The following NRXN2 variants were observed in gnomAD, a reference collection of about 807,000 sequenced individuals.
The protein encoded by NRXN2 is neurexin-2-beta.
A neutral mutation model predicts 128.8 loss-of-function variants in NRXN2; 29 were observed. That is an observed-to-expected ratio of 0.23 (90% CI 0.17 to 0.31). The LOEUF (loss-of-function observed/expected upper bound fraction) is 0.31. NRXN2 is among the 10% of genes least tolerant of loss of function. The probability of loss-of-function intolerance (pLI) is 1.00; values close to 1 mark genes in which losing one functional copy is unlikely to be tolerated. For missense variants in NRXN2, 1,881 were observed against 2,452.6 expected, an observed-to-expected ratio of 0.77 and a Z score of 4.92; for synonymous variants, 1,098 against 1,075.2, an observed-to-expected ratio of 1.02 and a Z score of -0.41.
chr11:64,683,868 A>T (rs1238972484), intron 6 of NRXN2, among the ~76,000 whole-genome samples: 1 of 151,922 alleles, frequency 6.6e-6, no homozygotes, highest in Non-Finnish European at 1.5e-5. Context: ...CACTGTCTAC[A>T]CTCAGCACTG....
intron 3 of NRXN2, among the ~76,000 whole-genome samples, chr11:64,697,551 G>C (rs1319549992): frequency 6.6e-6 from 1 of 152,100 alleles, no homozygotes; most frequent in Non-Finnish European, 1.5e-5. Flanking sequence ...AGCGTGGAGA[G>C]GGAAAGGAAG....
chr11:64,663,934 C>T (rs2049407076), intron 9 of NRXN2, among the ~76,000 whole-genome samples: 1 of 152,072 alleles, frequency 6.6e-6, no homozygotes, highest in Non-Finnish European at 1.5e-5. Flanking sequence ...TGAAATAAAG[C>T]CAGATACAAA....
In NRXN2 at chr11:64,697,927, C is replaced by A. The variant is rs545628739; in HGVS notation, c.731-135G>T. The A allele has an allele frequency of 6.0e-6, 6 of 994,406 alleles. No individual in the cohort carries two copies. In the East Asian group the frequency reaches 1.3e-4, roughly 21 times the overall value. 61.6% of individuals were successfully genotyped at this position (994,406 alleles called of 1,614,324 possible). A position where few individuals can be genotyped will look rare whatever the true frequency, so the allele number is the denominator to read the frequency against. On this transcript the variant is annotated intron_variant, in intron 2 of 22. Transcript: ENST00000265459. ...CCACCCAGGCCCTGACATGAGTCAC[C>A]CAATGTGGAAGGCCCAAATCTCAAG... is the stretch of plus-strand genomic sequence containing the variant.
At chr11:64,669,321 A>C (rs2050319869) in intron 7 of NRXN2, among the ~76,000 whole-genome samples, 1 of 152,140 alleles carries the variant, frequency 6.6e-6, no homozygotes, top group Non-Finnish European at 1.5e-5. Flanking sequence ...CCTTATATTC[A>C]GGTCACTCTC....
At position 64,632,321 on chromosome 11, in the gene NRXN2, TCTC is replaced by T. The variant is rs1278861429; in HGVS notation, c.3586-1751_3586-1749del. Among the ~76,000 whole-genome samples the T allele has an allele frequency of 6.6e-6, 1 of 152,076 alleles. No individual in the cohort carries two copies. The highest frequency in any genetic ancestry group is 1.5e-5 in the Non-Finnish European group (1 of 68,000). On this transcript the variant is annotated intron_variant, in intron 18 of 22. Transcript: ENST00000265459. The surrounding 1 kb of genome is among the most constrained non-coding windows in gnomAD (Gnocchi z 4.2). ...CACAGTCATACATGCATGCAGCCTC[TCTC>T]CTCAGATGCAGTAAAGCAGGGAAAC...
Position 64,706,746 on chromosome 11 carries a change from T to TC in NRXN2, c.730+6223dup, listed in dbSNP as rs1261766808. Among the ~76,000 whole-genome samples, 7 of 152,116 alleles carry TC rather than the reference T, an allele frequency of 4.6e-5. No individual in the cohort carries two copies. In the South Asian group the frequency reaches 8.3e-4, roughly 18 times the overall value. ...ATCAGCTCCTTTGCTTCAAACGACT[T>TC]CCCCCAACCAAGTTTATTAATCAAT... On this transcript the variant is annotated intron_variant, in intron 2 of 22. Transcript: ENST00000265459.
chr11:64,636,908 C>T (rs2044809311), intron 17 of NRXN2, among the ~76,000 whole-genome samples: 1 of 152,142 alleles, frequency 6.6e-6, no homozygotes, highest in Non-Finnish European at 1.5e-5. Context: ...GAGGAGGCTC[C>T]ATCCCAGGGA....
chr11:64,674,160 T>C (rs2050995565), intron 7 of NRXN2, among the ~76,000 whole-genome samples: 1 of 152,064 alleles, frequency 6.6e-6, no homozygotes, highest in Admixed American at 6.5e-5. Flanking sequence ...TACTGGTGCA[T>C]AGCTGGTTGT....
chr11:64,686,733 G>A (rs966708317), intron 5 of NRXN2, among the ~76,000 whole-genome samples: 1 of 152,220 alleles, frequency 6.6e-6, no homozygotes, highest in African/African-American at 2.4e-5. Context: ...TGACCTGTGT[G>A]TGCCCAGAGA....
chr11:64,643,556 G>GGAGGGAGA (rs879728743), intron 17 of NRXN2: 17 of 144,482 alleles, frequency 1.2e-4, no homozygotes, highest in South Asian at 4.5e-4. Context: ...GGAGAGGGAG[G>GGAGGGAGA]GAGGGAGAGA....
At chr11:64,670,886 C>T (rs1438153682) in intron 7 of NRXN2, among the ~76,000 whole-genome samples, 2 of 152,160 alleles carry the variant, frequency 1.3e-5, no homozygotes, top group African/African-American at 2.4e-5. Flanking sequence ...TTCAGCCCAC[C>T]TGAGCCCCTC....
chr11:64,614,845 C>T (rs373338022), intron 22 of NRXN2, among the ~76,000 whole-genome samples: 3 of 152,232 alleles, frequency 2.0e-5, no homozygotes, highest in East Asian at 3.9e-4. Flanking sequence ...CAGGTCTTGA[C>T]TGGATGCGGT....
intron 2 of NRXN2, among the ~76,000 whole-genome samples, chr11:64,700,657 A>G (rs1453888656): frequency 2.0e-5 from 3 of 152,160 alleles, no homozygotes; most frequent in Non-Finnish European, 4.4e-5. Flanking sequence ...GTTTCCTGCA[A>G]TAGCTTCCTC....
intron 18 of NRXN2, among the ~76,000 whole-genome samples, chr11:64,634,343 C>T (rs1281382949): frequency 6.6e-6 from 1 of 151,872 alleles, no homozygotes; most frequent in Non-Finnish European, 1.5e-5. Context: ...GGGGAGGGGT[C>T]AGGGGAGAGG....
chr11:64,660,743 C>A lies in NRXN2; in HGVS notation c.2185+10G>T. 6.8e-6 allele frequency: 11 copies of A among 1,609,564 alleles called. No homozygotes were observed. Among genetic ancestry groups the A allele is most frequent in the Non-Finnish European group, 9.3e-6 (11 of 1,179,996 alleles). The stretch of plus-strand genomic sequence containing the variant: ...GGAGCAGGGACACCTAGGATGAAGA[C>A]CAGCCTCACCTCTCTCACAGACCCG... On this transcript the variant is annotated intron_variant, in intron 10 of 22. Coordinates refer to ENST00000265459, the MANE Select transcript of NRXN2 (RefSeq NM_015080.4). This position sits in a 1 kb window ranked among gnomAD's most constrained non-coding sequence, Gnocchi z 5.2.
At chr11:64,709,190 CAAAAAAAAAA>C (rs112450142) in intron 2 of NRXN2, among the ~76,000 whole-genome samples, 1 of 83,454 alleles carries the variant, frequency 1.2e-5, no homozygotes, top group South Asian at 4.2e-4. Context: ...GACTCCATCT[CAAAAAAAAAA>C]AAAAAAAAAA....
Position 64,626,527 on chromosome 11 carries a change from C to A in NRXN2, c.3783G>T (p.Ala1261=). The change falls in exon 20 of 23, where the codon GCG becomes GCT. Residue 1261 remains alanine (A), a synonymous_variant. Transcript: ENST00000265459. The part of the protein sequence containing the change: ...PAGNFDNERL[A]IARQRIPYRL... ...GGTAGGGGATTCTCTGTCTAGCAAT[C>A]GCCAGGCGCTCGTTATCAAAGTTTC... is the stretch of plus-strand genomic sequence containing the variant. 1 of 1,614,086 alleles carries A rather than the reference C, an allele frequency of 6.2e-7. No homozygotes were observed. Among genetic ancestry groups the A allele is most frequent in the Non-Finnish European group, 8.5e-7 (1 of 1,179,968 alleles).
Position 64,713,557 on chromosome 11 carries a change from G to A in NRXN2, c.143C>T (p.Ala48Val), listed in dbSNP as rs748751882. 76 of 1,426,110 alleles carry A rather than the reference G, an allele frequency of 5.3e-5. No individual in the cohort carries two copies. In the Admixed American group the frequency reaches 1.9e-3, roughly 35 times the overall value. The allele number at this position is 1,426,110 out of a possible 1,614,324, so 88.3% of individuals were successfully genotyped here. ...GCTGAAGCTGAGCTCGCCGCTGCTCGCCGCGCCCGCCCAGCGCGCGTAGCG... is the reference window on the plus strand; with the variant it reads ...GCTGAAGCTGAGCTCGCCGCTGCTCACCGCGCCCGCCCAGCGCGCGTAGCG... ...WARYARWAGA[A>V]SSGELSFSLR... The change falls in exon 2 of 23, where the codon GCG (alanine) becomes GTG (valine). Residue 48 changes from alanine (A) to valine (V), a missense_variant. Coordinates refer to ENST00000265459, the MANE Select transcript of NRXN2 (RefSeq NM_015080.4).
intron 22 of NRXN2, among the ~76,000 whole-genome samples, chr11:64,615,800 G>A (rs1234802304): frequency 6.6e-6 from 1 of 151,950 alleles, no homozygotes; most frequent in South Asian, 2.1e-4. Context: ...AAGTGCACTT[G>A]CACCTGTGTG....
Sources: allele counts gnomAD v4.1 joint callset (sites outside exome capture counted in the v4.1 genomes callset), GRCh38; gene constraint gnomAD v4.1.1; non-coding constraint Gnocchi (gnomAD v3.1); transcripts MANE v1.5; gene names NCBI Gene and HGNC (gene_info 2026-07-23, HGNC 2026-07-21).